SLAIN2: variants seen among roughly 807,000 people sequenced by gnomAD.
SLAIN2 encodes the protein SLAIN family member 2.
Under a neutral mutation model 56.6 loss-of-function variants are expected in SLAIN2, and 31 were observed. The observed-to-expected ratio is 0.55, with a 90% CI of 0.41 to 0.74. The LOEUF (loss-of-function observed/expected upper bound fraction) is 0.74, where lower values mean the gene tolerates loss of function less well. Among genes scored for constraint, SLAIN2 ranks in the 30% least tolerant of loss-of-function variants. The probability of loss-of-function intolerance (pLI) is 0.00; values close to 1 mark genes in which losing one functional copy is unlikely to be tolerated. For synonymous variants in SLAIN2, 317 were observed against 284.9 expected, an observed-to-expected ratio of 1.11 and a Z score of -1.13; for missense variants, 777 against 754.2, an observed-to-expected ratio of 1.03 and a Z score of -0.35.
chr4:48,361,272 GAA>G (rs1191167203), intron 1 of SLAIN2, among the ~76,000 whole-genome samples: 8 of 152,330 alleles, frequency 5.3e-5, no homozygotes, highest in African/African-American at 1.9e-4. Flanking sequence ...AAAGTGGAAT[GAA>G]ACTTGTTGCA....
At chr4:48,379,559 A>AT (rs1715917980) in intron 3 of SLAIN2, 131 bp from the exon 4 acceptor site, 2 of 801,336 alleles carry the variant, frequency 2.5e-6, no homozygotes, top group Non-Finnish European at 1.7e-6. Context: ...ATTTCAGGGA[A>AT]TTTTTTAAGC....
At chr4:48,392,279 T>C (rs1207158499) in intron 6 of SLAIN2, among the ~76,000 whole-genome samples, 1 of 152,222 alleles carries the variant, frequency 6.6e-6, no homozygotes, top group African/African-American at 2.4e-5. Flanking sequence ...ATTCTTCAGA[T>C]TTCCCAGTTC....
At chr4:48,410,282 T>G (rs1716809698) in intron 6 of SLAIN2, among the ~76,000 whole-genome samples, 1 of 151,598 alleles carries the variant, frequency 6.6e-6, no homozygotes, top group African/African-American at 2.4e-5. Flanking sequence ...TTTTTTAGTT[T>G]TTTTTTTTTT....
chr4:48,381,655 C>A lies in SLAIN2; in HGVS notation c.863-913C>A, dbSNP rs571153304. Among the ~76,000 whole-genome samples the A allele has an allele frequency of 2.3e-4, 35 of 152,232 alleles. 1 individual carries two copies. In the East Asian group the frequency reaches 6.4e-3, roughly 28 times the overall value. On this transcript the variant is annotated intron_variant, in intron 4 of 7. Coordinates refer to ENST00000264313, the MANE Select transcript of SLAIN2 (RefSeq NM_020846.2). ...CAGGAATTTATAGTTTTAAAGATAC[C>A]CTAGGGTGATTCTCATCCACTGGTT...
chr4:48,393,386 T>TTGTGTG (rs57142552), intron 6 of SLAIN2, among the ~76,000 whole-genome samples: 24,784 of 135,080 alleles, frequency 0.18, 2,475 homozygotes, highest in East Asian at 0.31. Context: ...CATGTCTGGC[T>TTGTGTG]TGTGTGTGTG....
intron 6 of SLAIN2, among the ~76,000 whole-genome samples, chr4:48,405,213 G>C (rs918438188): frequency 3.3e-5 from 5 of 152,098 alleles, no homozygotes; most frequent in Admixed American, 1.3e-4. Context: ...ACTAGAACTT[G>C]GCACCTCTGA....
intron 6 of SLAIN2, among the ~76,000 whole-genome samples, chr4:48,392,074 T>TA (rs1446590331): frequency 6.6e-6 from 1 of 152,252 alleles, no homozygotes; most frequent in Non-Finnish European, 1.5e-5. Flanking sequence ...GAGTTTCACT[T>TA]AAACTACTAC....
Position 48,377,933 on chromosome 4 carries a change from C to T in SLAIN2, c.576C>T (p.Asn192=). ...KRQNLYNNPF[N]SMSYTSPYSP... is the part of the protein sequence containing the mutation. Reference sequence around the variant, plus strand: ...AGAATTTATATAATAATCCTTTCAACTCTATGAGTTACACCAGTCCTTACA... The same window carrying T: ...AGAATTTATATAATAATCCTTTCAATTCTATGAGTTACACCAGTCCTTACA... The change falls in exon 3 of 8, where the codon AAC becomes AAT. Residue 192 remains asparagine, a synonymous_variant. Coordinates refer to ENST00000264313, the MANE Select transcript of SLAIN2 (RefSeq NM_020846.2). 6.2e-7 allele frequency: 1 copy of T among 1,613,886 alleles called. No homozygotes were observed. The highest frequency in any genetic ancestry group is 2.2e-5 in the East Asian group (1 of 44,860).
chr4:48,351,113 T>G (rs1231656597), intron 1 of SLAIN2, among the ~76,000 whole-genome samples: 3 of 152,152 alleles, frequency 2.0e-5, no homozygotes, highest in African/African-American at 4.8e-5. Context: ...TGTGAGACAG[T>G]AAGAAAGTAC....
intron 6 of SLAIN2, among the ~76,000 whole-genome samples, chr4:48,399,622 A>G (rs189664815): frequency 4.5e-4 from 68 of 152,184 alleles, no homozygotes; most frequent in African/African-American, 1.5e-3. Context: ...CCCATTCAGT[A>G]TGATATTGGC....
intron 6 of SLAIN2, among the ~76,000 whole-genome samples, chr4:48,386,355 G>A (rs1716100139): frequency 6.6e-6 from 1 of 152,114 alleles, no homozygotes; most frequent in South Asian, 2.1e-4. Context: ...CAGCTTATAA[G>A]CGGCAAGTTA....
chr4:48,375,751 T>C (rs536152963), intron 2 of SLAIN2, among the ~76,000 whole-genome samples: 60 of 152,322 alleles, frequency 3.9e-4, no homozygotes, highest in African/African-American at 1.4e-3. Context: ...GCTGGTTTTA[T>C]CTGTTTTGTC....
intron 4 of SLAIN2, among the ~76,000 whole-genome samples, 188 bp from the exon 5 acceptor site, chr4:48,382,380 C>T (rs1361189711): frequency 6.6e-6 from 1 of 152,106 alleles, no homozygotes; most frequent in East Asian, 1.9e-4. Flanking sequence ...TAAAAATAAC[C>T]TTCAGATGTG....
chr4:48,342,469 G>C (rs1179614860), intron 1 of SLAIN2, among the ~76,000 whole-genome samples: 1 of 152,162 alleles, frequency 6.6e-6, no homozygotes, highest in Admixed American at 6.5e-5. Context: ...ATCCTGCTTT[G>C]TGTAAGATAC....
chr4:48,406,869 C>T (rs1716711170), intron 6 of SLAIN2, among the ~76,000 whole-genome samples: 1 of 152,090 alleles, frequency 6.6e-6, no homozygotes. Context: ...CCACCTTCTG[C>T]AGGAATAAAG....
At chr4:48,365,400 G>A (rs1388934343) in intron 1 of SLAIN2, among the ~76,000 whole-genome samples, 9 of 137,988 alleles carry the variant, frequency 6.5e-5, no homozygotes, top group African/African-American at 2.4e-4. Context: ...CTGGGAAGTG[G>A]AGGTTGCAGT....
At chr4:48,372,089 G>T (rs943098930) in intron 2 of SLAIN2, among the ~76,000 whole-genome samples, 5 of 150,028 alleles carry the variant, frequency 3.3e-5, no homozygotes, top group Non-Finnish European at 1.5e-5. Context: ...TATATCCCTA[G>T]AAACTGTTTT....
intron 6 of SLAIN2, among the ~76,000 whole-genome samples, chr4:48,398,807 A>G (rs534572164): frequency 6.6e-6 from 1 of 152,184 alleles, no homozygotes; most frequent in African/African-American, 2.4e-5. Flanking sequence ...ATGGCTGTAG[A>G]TGTGCAGTCT....
At chr4:48,397,753 G>A (rs2109774386) in intron 6 of SLAIN2, among the ~76,000 whole-genome samples, 1 of 152,312 alleles carries the variant, frequency 6.6e-6, no homozygotes. Flanking sequence ...AGAACATGGG[G>A]TGTTTGGTTT....
Sources: gnomAD v4.1 joint callset for allele counts (sites outside exome capture counted in the v4.1 genomes callset) on GRCh38, gnomAD v4.1.1 for gene constraint, MANE v1.5 for transcripts, NCBI Gene and HGNC (gene_info 2026-07-23, HGNC 2026-07-21) for gene names.